The following ERP44 variants were observed in gnomAD, a reference collection of about 807,000 sequenced individuals.
The protein encoded by ERP44 is endoplasmic reticulum protein 44, also known as endoplasmic reticulum resident protein 44.
A neutral mutation model predicts 53.4 loss-of-function variants in ERP44; 25 were observed. The ratio of observed to expected loss-of-function variants is 0.47; its 90% confidence interval spans 0.34 to 0.65. ERP44 has a LOEUF of 0.65. ERP44 is among the 30% of genes least tolerant of loss of function. ERP44 has a pLI of 0.01. For missense variants in ERP44, 338 were observed against 493.2 expected (o/e 0.69, Z 2.98); for synonymous variants, 145 against 161.2 (o/e 0.90, Z 0.76).
At chr9:100,082,644 C>CA (rs1826439242) in intron 1 of ERP44, among the ~76,000 whole-genome samples, 1 of 151,428 alleles carries the variant, frequency 6.6e-6, no homozygotes, top group South Asian at 2.1e-4. Flanking sequence ...CCCATAGATA[C>CA]AAAAAATTGG....
intron 8 of ERP44, among the ~76,000 whole-genome samples, chr9:100,011,416 G>C (rs1366455715): frequency 6.6e-6 from 1 of 152,198 alleles, no homozygotes; most frequent in East Asian, 1.9e-4. Context: ...AAGAAAAGAA[G>C]AGAATATAAA....
chr9:100,000,039 G>C (rs1369565218), intron 10 of ERP44, among the ~76,000 whole-genome samples: 1 of 152,070 alleles, frequency 6.6e-6, no homozygotes, highest in Non-Finnish European at 1.5e-5. Context: ...TAGTTTGCTA[G>C]GATTTTGTTG....
chr9:100,003,046 T>C (rs1361477651), intron 10 of ERP44, among the ~76,000 whole-genome samples: 2 of 152,220 alleles, frequency 1.3e-5, no homozygotes, highest in Admixed American at 1.3e-4. Context: ...AGGTTTAAAT[T>C]CTTTCTTCTA....
Position 99,980,231 on chromosome 9 carries a change from A to C in ERP44, c.*2381T>G, listed in dbSNP as rs1166304551. ...TTACAGTCATTGTTTACATATCCAT[A>C]TGCCTGACTAGGCTGTGAACAACTC... On this transcript the variant is annotated 3_prime_UTR_variant, in exon 12 of 12. Transcript: ENST00000262455. 1.0e-5 allele frequency: 4 copies of C among 395,180 alleles called. No individual in the cohort carries two copies. The highest frequency in any genetic ancestry group is 4.1e-5 in the African/African-American group (2 of 48,550). 24.5% of individuals were successfully genotyped at this position (395,180 alleles called of 1,614,324 possible). A position where few individuals can be genotyped will look rare whatever the true frequency, so the allele number is the denominator to read the frequency against.
At chr9:100,015,270 T>A (rs1236580316) in intron 8 of ERP44, among the ~76,000 whole-genome samples, 2 of 152,242 alleles carry the variant, frequency 1.3e-5, no homozygotes, top group African/African-American at 4.8e-5. Flanking sequence ...TTCTTTGAAG[T>A]GTATATGCAT....
intron 1 of ERP44, among the ~76,000 whole-genome samples, chr9:100,066,224 C>T (rs1045471265): frequency 6.6e-6 from 1 of 152,210 alleles, no homozygotes; most frequent in East Asian, 1.9e-4. Context: ...AACACAAGTA[C>T]AAGTAAGACT....
At chr9:99,982,784 T>C in intron 11 of ERP44, 71 bp from the exon 12 acceptor site, 2 of 873,886 alleles carry the variant, frequency 2.3e-6, no homozygotes, top group Non-Finnish European at 3.4e-6. Flanking sequence ...AATAAGTGTA[T>C]TCGATGAATA....
intron 10 of ERP44, among the ~76,000 whole-genome samples, chr9:100,000,167 A>G (rs1003500525): frequency 1.3e-5 from 2 of 152,150 alleles, no homozygotes. Context: ...GCAGTGGCTC[A>G]TGTCTCTAAT....
At chr9:99,998,462 C>G (rs765834528) in intron 10 of ERP44, 2 of 696,462 alleles carry the variant, frequency 2.9e-6, no homozygotes, top group South Asian at 3.1e-5. Flanking sequence ...GTCATCACAC[C>G]TCTGCACTCT....
rs762345579 is a variant in ERP44 at position 99,981,258 on chromosome 9, A to G, written c.*1354T>C. 1 of 152,338 alleles carries G rather than the reference A, an allele frequency of 6.6e-6. No homozygotes were observed. Among genetic ancestry groups the G allele is most frequent in the Non-Finnish European group, 1.5e-5 (1 of 68,042 alleles). The allele number at this position is 152,338 out of a possible 1,614,324, so 9.4% of individuals were successfully genotyped here. ...AATAAAACTATGGAAACTTTGGATA[A>G]ATCATGCATAACGAGGAATTATAAG... On this transcript the variant is annotated 3_prime_UTR_variant, in exon 12 of 12. Coordinates refer to ENST00000262455, the MANE Select transcript of ERP44 (RefSeq NM_015051.3).
At chr9:100,066,033 GAAT>G (rs1447775894) in intron 1 of ERP44, among the ~76,000 whole-genome samples, 1 of 152,172 alleles carries the variant, frequency 6.6e-6, no homozygotes, top group Non-Finnish European at 1.5e-5. Flanking sequence ...GAGAAATAGA[GAAT>G]ACTAGGCCCC....
intron 1 of ERP44, among the ~76,000 whole-genome samples, chr9:100,071,848 G>C (rs937705432): frequency 6.6e-6 from 1 of 152,156 alleles, no homozygotes; most frequent in Non-Finnish European, 1.5e-5. Context: ...TTTAACCCGG[G>C]AGGTGGAAGT....
chr9:100,067,655 G>C (rs907731133), intron 1 of ERP44, among the ~76,000 whole-genome samples: 1 of 148,148 alleles, frequency 6.8e-6, no homozygotes, highest in South Asian at 2.2e-4. Flanking sequence ...GCCGCCCATC[G>C]TCTGGGAGTT....
At chr9:100,068,608 G>A (rs1267682414) in intron 1 of ERP44, among the ~76,000 whole-genome samples, 5 of 146,364 alleles carry the variant, frequency 3.4e-5, no homozygotes, top group African/African-American at 1.3e-4. Context: ...CCCCGTCCGG[G>A]AGGGAGGTGG....
At chr9:100,071,093 GTT>G (rs34853838) in intron 1 of ERP44, among the ~76,000 whole-genome samples, 14 of 119,558 alleles carry the variant, frequency 1.2e-4, no homozygotes, top group South Asian at 2.8e-4. Context: ...ATTATATAAG[GTT>G]TTTTTTTTTT....
chr9:100,007,600 A>G lies in ERP44; in HGVS notation c.852T>C (p.Ala284=), dbSNP rs1474124164. ...ESLEIFQNEV[A]RQLISEKGTI... ...TACCTTTTTCACTTATTAATTGCCGAGCTACTTCATTCTGGAATATTTCTA... is the reference window on the plus strand; with the variant it reads ...TACCTTTTTCACTTATTAATTGCCGGGCTACTTCATTCTGGAATATTTCTA... The change falls in exon 9 of 12, where the codon GCT becomes GCC. Residue 284 remains alanine, a synonymous_variant. Transcript: ENST00000262455. 1.3e-6 allele frequency: 2 copies of G among 1,557,282 alleles called. No individual in the cohort carries two copies. Among genetic ancestry groups the G allele is most frequent in the South Asian group, 2.2e-5 (2 of 89,954 alleles).
chr9:100,007,039 G>A (rs773976963), intron 9 of ERP44, among the ~76,000 whole-genome samples: 22 of 152,202 alleles, frequency 1.4e-4, no homozygotes, highest in Non-Finnish European at 2.4e-4. Flanking sequence ...ATTTTTAGTC[G>A]AATTCAACCT....
intron 1 of ERP44, among the ~76,000 whole-genome samples, chr9:100,090,991 G>A (rs1826548764): frequency 6.6e-6 from 1 of 152,064 alleles, no homozygotes; most frequent in Non-Finnish European, 1.5e-5. Flanking sequence ...CCCACTACTA[G>A]ACTATAATAA....
chr9:100,068,679 C>T lies in ERP44; in HGVS notation c.58-8507G>A, dbSNP rs1417129840. ...CGGGAGGGAGGTGGGGGAGTCAACC[C>T]CCCACCCGGCCAGCCGCCCCGTCCG... On this transcript the variant is annotated intron_variant, in intron 1 of 11. Transcript: ENST00000262455. Among the ~76,000 whole-genome samples the T allele has an allele frequency of 2.8e-5, 4 of 144,470 alleles. No homozygotes were observed. The East Asian group carries it at 8.5e-4, about 31-fold the overall frequency. 94.8% of individuals were successfully genotyped at this position (144,470 alleles called of 152,430 possible).
Sources: gnomAD v4.1 joint callset for allele counts (sites outside exome capture counted in the v4.1 genomes callset) on GRCh38, gnomAD v4.1.1 for gene constraint, MANE v1.5 for transcripts, NCBI Gene and HGNC (gene_info 2026-07-23, HGNC 2026-07-21) for gene names.